The following PLEKHH2 variants were observed in gnomAD, a reference collection of about 807,000 sequenced individuals.
PLEKHH2 encodes pleckstrin homology, MyTH4 and FERM domain containing H2.
Under a neutral mutation model 187.9 loss-of-function variants are expected in PLEKHH2, and 129 were observed. The observed-to-expected ratio is 0.69, with a 90% confidence interval of 0.59 to 0.79. The LOEUF (loss-of-function observed/expected upper bound fraction) is 0.79. Ranked by LOEUF, PLEKHH2 falls within the 30% of genes least tolerant of loss-of-function variation. The probability of loss-of-function intolerance (pLI) is 0.00; values close to 1 mark genes in which losing one functional copy is unlikely to be tolerated. For synonymous variants in PLEKHH2, 686 were observed against 605.6 expected (o/e 1.13, Z -1.95); for missense variants, 2,076 against 1,751.2 (o/e 1.19, Z -3.31).
chr2:43,726,748 A>G (rs531112752), intron 17 of PLEKHH2, among the ~76,000 whole-genome samples: 206 of 152,312 alleles, frequency 1.4e-3, no homozygotes, highest in Non-Finnish European at 1.8e-3. Flanking sequence ...TGGTAAATCT[A>G]AGGACTCTGT....
At chr2:43,709,886 G>A in intron 11 of PLEKHH2, 104 bp from the exon 12 acceptor site, 1 of 1,151,610 alleles carries the variant, frequency 8.7e-7, no homozygotes, top group Non-Finnish European at 1.2e-6. Flanking sequence ...GTCTAGGGAG[G>A]CTTATGATTT....
chr2:43,708,279 GCTA>G (rs1232911060), intron 11 of PLEKHH2, among the ~76,000 whole-genome samples: 2 of 152,150 alleles, frequency 1.3e-5, no homozygotes, highest in African/African-American at 4.8e-5. Flanking sequence ...CCTCACAACG[GCTA>G]TAAGGTGTTC....
At chr2:43,641,183 G>A (rs577186993) in intron 1 of PLEKHH2, among the ~76,000 whole-genome samples, 3 of 152,102 alleles carry the variant, frequency 2.0e-5, no homozygotes, top group Admixed American at 1.3e-4. Context: ...TGAGATACAT[G>A]ATTTGCAACT....
At chr2:43,682,480 G>A (rs12470364) in intron 3 of PLEKHH2, among the ~76,000 whole-genome samples, 2,584 of 151,952 alleles carry the variant, frequency 0.017, 29 homozygotes, top group African/African-American at 0.02. Context: ...CTAATTTTTT[G>A]TATTTTTAGA....
rs192673026 is a variant in PLEKHH2 at position 43,680,794 on chromosome 2, C to A, written c.186+1869C>A. Reference sequence around the variant, plus strand: ...TTTGTCATTCCAAGTTTCTCATTTTCTTGACACTACCAATTATATCTTTCT... The same window carrying A: ...TTTGTCATTCCAAGTTTCTCATTTTATTGACACTACCAATTATATCTTTCT... On this transcript the variant is annotated intron_variant, in intron 3 of 29. Transcript: ENST00000282406. 1.1e-3 allele frequency: 438 copies of A among 384,312 alleles called. 3 individuals carry two copies. The highest frequency in any genetic ancestry group is 9.1e-3 in the African/African-American group (427 of 46,780). 23.8% of individuals were successfully genotyped at this position (384,312 alleles called of 1,614,324 possible). A position where few individuals can be genotyped will look rare whatever the true frequency, so the allele number is the denominator to read the frequency against.
chr2:43,754,336 G>A (rs1389048016), intron 25 of PLEKHH2, among the ~76,000 whole-genome samples: 3 of 150,532 alleles, frequency 2.0e-5, no homozygotes, highest in Non-Finnish European at 4.4e-5. Context: ...CATCCCTAGG[G>A]TGTCATCACC....
chr2:43,702,527 C>CTTTTTTTTTTTTTTT lies in PLEKHH2; in HGVS notation c.1651-1446_1651-1432dup, dbSNP rs1167078689. 2.6e-4 allele frequency among the ~76,000 whole-genome samples: 15 copies of CTTTTTTTTTTTTTTT among 57,400 alleles called. 1 individual carries two copies. The highest frequency in any genetic ancestry group is 3.6e-4 in the Non-Finnish European group (12 of 32,946). 37.7% of individuals were successfully genotyped at this position (57,400 alleles called of 152,430 possible). ...TTTTATTTGGCAACCCATTCTACTA[C>CTTTTTTTTTTTTTTT]TTTTTTTTTTTTTTTTTTTTTTCCA... On this transcript the variant is annotated intron_variant, in intron 8 of 29. Transcript: ENST00000282406.
In PLEKHH2 at chr2:43,695,590, G is replaced by A. The variant is rs148597058; in HGVS notation, c.502+366G>A. ...CTAAAAGTACTGTACAGAGACATTA[G>A]CCTGGGAGGTCAGACATATGGATGA... On this transcript the variant is annotated intron_variant, in intron 6 of 29. Transcript: ENST00000282406. Among the ~76,000 whole-genome samples, 203 of 152,292 alleles carry A rather than the reference G, an allele frequency of 1.3e-3. 1 individual carries two copies. Among genetic ancestry groups the A allele is most frequent in the Non-Finnish European group, 2.1e-3 (146 of 68,030 alleles).
chr2:43,694,444 T>C lies in PLEKHH2; in HGVS notation c.350T>C (p.Ile117Thr). 6.4e-7 allele frequency: 1 copy of C among 1,559,702 alleles called. No individual in the cohort carries two copies. The highest frequency in any genetic ancestry group is 1.2e-5 in the South Asian group (1 of 85,332). Residue 117 changes from isoleucine (I) to threonine (T), a missense_variant, in exon 5 of 30, where the codon ATA becomes ACA. Transcript: ENST00000282406. The stretch of plus-strand genomic sequence containing the variant: ...TTGTTATTTCAGAAACAAATAAGAA[T>C]ACAAGAAGCTAAAATAATAGAAGAG... ...LQLEEQKQIR[I>T]QEAKIIEEKA...
At chr2:43,719,254 A>G (rs914560474) in intron 15 of PLEKHH2, among the ~76,000 whole-genome samples, 1 of 152,222 alleles carries the variant, frequency 6.6e-6, no homozygotes, top group Admixed American at 6.5e-5. Flanking sequence ...TAAGAGCTAG[A>G]TTCAAATTCT....
At chr2:43,690,013 TC>T (rs1457165653) in intron 3 of PLEKHH2, among the ~76,000 whole-genome samples, 3 of 152,240 alleles carry the variant, frequency 2.0e-5, no homozygotes, top group African/African-American at 7.2e-5. Context: ...TTATTCTTAC[TC>T]AGTTACTTTT....
chr2:43,642,037 T>C (rs1574462607), intron 1 of PLEKHH2, among the ~76,000 whole-genome samples: 1 of 152,214 alleles, frequency 6.6e-6, no homozygotes, highest in Non-Finnish European at 1.5e-5. Flanking sequence ...TTGATAGAGA[T>C]TGCATTGTGT....
intron 21 of PLEKHH2, 22 bp from the exon 22 acceptor site, chr2:43,742,719 T>C: frequency 1.3e-6 from 2 of 1,483,038 alleles, no homozygotes; most frequent in South Asian, 1.4e-5. Context: ...TCTTAGATTT[T>C]ATCTTAAGTT....
At chr2:43,705,806 G>C (rs984696213) in intron 9 of PLEKHH2, among the ~76,000 whole-genome samples, 4 of 151,322 alleles carry the variant, frequency 2.6e-5, no homozygotes, top group Non-Finnish European at 5.9e-5. Context: ...AAAGGGTTTT[G>C]CCATGTTGCC....
At chr2:43,686,895 T>C (rs1465089913) in intron 3 of PLEKHH2, among the ~76,000 whole-genome samples, 1 of 152,190 alleles carries the variant, frequency 6.6e-6, no homozygotes, top group Admixed American at 6.5e-5. Context: ...ATCCAAGTAG[T>C]GTAGCATGAC....
In PLEKHH2 at chr2:43,700,282, A is replaced by G; in HGVS notation, c.1324A>G (p.Arg442Gly). The change falls in exon 8 of 30, where the codon AGG (arginine) becomes GGG (glycine). Residue 442 changes from arginine to glycine, a missense_variant. By Grantham distance (125) the Arg-to-Gly change is moderately radical. Transcript: ENST00000282406. The part of the protein sequence containing the change: ...PSSHLPPPKL[R>G]IPNVFSISVA... ...ATCACACCTGCCACCCCCAAAGTTA[A>G]GGATTCCTAATGTTTTCAGTATAAG... is the stretch of plus-strand genomic sequence containing the variant. The G allele has an allele frequency of 6.2e-7, 1 of 1,614,192 alleles. No individual in the cohort carries two copies. The highest frequency in any genetic ancestry group is 8.5e-7 in the Non-Finnish European group (1 of 1,180,030).
intron 2 of PLEKHH2, among the ~76,000 whole-genome samples, chr2:43,669,614 A>G (rs1210991954): frequency 2.0e-5 from 3 of 152,246 alleles, no homozygotes; most frequent in African/African-American, 7.2e-5. Context: ...GTAGAAAAAT[A>G]TATTTTATAA....
intron 2 of PLEKHH2, among the ~76,000 whole-genome samples, chr2:43,659,807 C>T (rs1185844633): frequency 2.0e-5 from 3 of 151,922 alleles, no homozygotes; most frequent in South Asian, 2.1e-4. Context: ...GATCCGCCTG[C>T]CTTGTCCTCC....
chr2:43,708,762 C>T (rs1469766595), intron 11 of PLEKHH2, among the ~76,000 whole-genome samples: 1 of 152,180 alleles, frequency 6.6e-6, no homozygotes, highest in Non-Finnish European at 1.5e-5. Flanking sequence ...ATTGCCCCTG[C>T]CTAACTCTTT....
Sources: gnomAD v4.1 joint callset for allele counts (sites outside exome capture counted in the v4.1 genomes callset) on GRCh38, gnomAD v4.1.1 for gene constraint, MANE v1.5 for transcripts, NCBI Gene and HGNC (gene_info 2026-07-23, HGNC 2026-07-21) for gene names.